Variants in PDE4D observed in about 807,000 individuals in gnomAD.
The protein encoded by PDE4D is phosphodiesterase 4D, also known as 3',5'-cyclic-AMP phosphodiesterase 4D.
Under a neutral mutation model 87.4 loss-of-function variants are expected in PDE4D, and 24 were observed. That is an observed-to-expected ratio of 0.27 (90% CI 0.20 to 0.39). PDE4D has a LOEUF of 0.39. Ranked by LOEUF, PDE4D falls within the 10% of genes least tolerant of loss-of-function variation. The probability of loss-of-function intolerance (pLI) is 1.00; values close to 1 mark genes in which losing one functional copy is unlikely to be tolerated. For synonymous variants in PDE4D, 384 were observed against 383.2 expected (o/e 1.00, Z -0.02); for missense variants, 714 against 1,041.0 (o/e 0.69, Z 4.32).
intron 3 of PDE4D, among the ~76,000 whole-genome samples, chr5:59,931,755 G>A (rs1201681465): frequency 2.9e-5 from 4 of 139,734 alleles, no homozygotes; most frequent in Non-Finnish European, 6.1e-5. Flanking sequence ...AGGCTGGAGT[G>A]CAGTGGTGCA....
intron 1 of PDE4D, among the ~76,000 whole-genome samples, chr5:60,381,005 G>A (rs1446887522): frequency 2.0e-5 from 3 of 152,158 alleles, no homozygotes; most frequent in African/African-American, 7.2e-5. Flanking sequence ...ACATGCCCAA[G>A]AAAAACCTCT....
At chr5:59,519,917 C>T (rs1390851003) in intron 1 of PDE4D, among the ~76,000 whole-genome samples, 2 of 152,142 alleles carry the variant, frequency 1.3e-5, no homozygotes, top group Admixed American at 6.6e-5. Flanking sequence ...AATACACACA[C>T]ACACACACAA....
intron 1 of PDE4D, among the ~76,000 whole-genome samples, chr5:59,557,557 T>G (rs1349214563): frequency 6.6e-6 from 1 of 152,160 alleles, no homozygotes; most frequent in African/African-American, 2.4e-5. Flanking sequence ...TGATGGTTTG[T>G]AGAGTATACT....
At chr5:59,335,844 A>C (rs1402311236) in intron 1 of PDE4D, among the ~76,000 whole-genome samples, 11 of 152,360 alleles carry the variant, frequency 7.2e-5, no homozygotes. Context: ...AGACTCCAGA[A>C]ATAAGTTCCT....
intron 1 of PDE4D, among the ~76,000 whole-genome samples, chr5:59,821,910 T>C (rs1040059335): frequency 6.6e-6 from 1 of 152,210 alleles, no homozygotes; most frequent in African/African-American, 2.4e-5. Context: ...TTACCTTTTT[T>C]TGGTGTTTAA....
chr5:59,378,376 T>G (rs1429563673), intron 1 of PDE4D, among the ~76,000 whole-genome samples: 2 of 152,064 alleles, frequency 1.3e-5, no homozygotes, highest in Non-Finnish European at 2.9e-5. Flanking sequence ...GAAGCCCCTG[T>G]GACCCAAGTT....
At chr5:60,131,847 T>C (rs146746683) in intron 2 of PDE4D, among the ~76,000 whole-genome samples, 9 of 152,362 alleles carry the variant, frequency 5.9e-5, no homozygotes, top group Non-Finnish European at 1.3e-4. Flanking sequence ...CTCATTTCAA[T>C]GTCCATCAGC....
At position 59,202,033 on chromosome 5, in the gene PDE4D, ATTT is replaced by A. The variant is rs10641798; in HGVS notation, c.648-8500_648-8498del. On this transcript the variant is annotated intron_variant, in intron 2 of 14. Transcript: ENST00000340635. ...ATGCAGCTTTTCTGGTGTTTTGATCATTTTTTTTTTTTTTTTTTTTTCTGAGAT... is the reference window on the plus strand; with the variant it reads ...ATGCAGCTTTTCTGGTGTTTTGATCATTTTTTTTTTTTTTTTTTCTGAGAT... Among the ~76,000 whole-genome samples the A allele has an allele frequency of 2.5e-4, 24 of 95,268 alleles. No individual in the cohort carries two copies. In the East Asian group the frequency reaches 2.7e-3, roughly 11 times the overall value. 62.5% of individuals were successfully genotyped at this position (95,268 alleles called of 152,430 possible). A position where few individuals can be genotyped will look rare whatever the true frequency, so the allele number is the denominator to read the frequency against.
At chr5:59,425,598 T>C (rs1414808925) in intron 1 of PDE4D, among the ~76,000 whole-genome samples, 1 of 152,122 alleles carries the variant, frequency 6.6e-6, no homozygotes, top group Non-Finnish European at 1.5e-5. Flanking sequence ...ATAAAAGCTA[T>C]AAAAAAGCAA....
chr5:60,471,433 G>A (rs1387898780), intron 1 of PDE4D, among the ~76,000 whole-genome samples: 2 of 152,182 alleles, frequency 1.3e-5, no homozygotes, highest in Admixed American at 6.5e-5. Context: ...CAGCAACTGG[G>A]TTTGAGAGGA....
At chr5:59,140,468 C>T (rs188319739) in intron 5 of PDE4D, among the ~76,000 whole-genome samples, 208 of 152,226 alleles carry the variant, frequency 1.4e-3, no homozygotes, top group African/African-American at 4.8e-3. Context: ...GAAAATTTAA[C>T]GGTCATTATA....
chr5:59,011,272 G>A (rs1417386580), intron 6 of PDE4D, among the ~76,000 whole-genome samples: 2 of 152,132 alleles, frequency 1.3e-5, no homozygotes, highest in Admixed American at 6.5e-5. Flanking sequence ...CACCAGCAAC[G>A]GAACAAAGCT....
chr5:59,850,084 T>C (rs931290959), intron 1 of PDE4D, among the ~76,000 whole-genome samples: 2 of 152,018 alleles, frequency 1.3e-5, no homozygotes, highest in East Asian at 3.9e-4. Flanking sequence ...GTTTGACATA[T>C]CCAAACTTCC....
chr5:59,241,887 G>C (rs973589116), intron 1 of PDE4D, among the ~76,000 whole-genome samples: 1 of 152,110 alleles, frequency 6.6e-6, no homozygotes, highest in Non-Finnish European at 1.5e-5. Context: ...GGAGGAAATA[G>C]CCACAAATTG....
chr5:60,413,152 A>G (rs1742181045), intron 1 of PDE4D, among the ~76,000 whole-genome samples: 1 of 152,192 alleles, frequency 6.6e-6, no homozygotes, highest in South Asian at 2.1e-4. Context: ...CAACAGTTTT[A>G]TTTATCCCAG....
chr5:59,121,569 G>T (rs1040217278), intron 5 of PDE4D, among the ~76,000 whole-genome samples: 2 of 151,964 alleles, frequency 1.3e-5, no homozygotes, highest in African/African-American at 4.8e-5. Context: ...AAAAATAACA[G>T]ATGCTGGCTA....
At chr5:59,206,867 C>T (rs1748907960) in intron 2 of PDE4D, among the ~76,000 whole-genome samples, 2 of 152,102 alleles carry the variant, frequency 1.3e-5, no homozygotes, top group South Asian at 4.1e-4. Flanking sequence ...CCCAGCCTGC[C>T]ACCATATGCC....
intron 10 of PDE4D, among the ~76,000 whole-genome samples, chr5:58,989,315 CA>C (rs1454204719): frequency 6.6e-6 from 1 of 151,978 alleles, no homozygotes; most frequent in Non-Finnish European, 1.5e-5. Context: ...CTTTAGTAAA[CA>C]ACTAATGAAA....
chr5:60,370,437 A>T (rs1156478581), intron 1 of PDE4D, among the ~76,000 whole-genome samples: 2 of 152,228 alleles, frequency 1.3e-5, no homozygotes, highest in African/African-American at 4.8e-5. Context: ...AATGAAACTT[A>T]CTTAAAAATT....
Sources: gnomAD v4.1 joint callset for allele counts (sites outside exome capture counted in the v4.1 genomes callset) on GRCh38, gnomAD v4.1.1 for gene constraint, MANE v1.5 for transcripts, NCBI Gene and HGNC (gene_info 2026-07-23, HGNC 2026-07-21) for gene names.